Variants in CYP20A1 observed in about 807,000 individuals in gnomAD.
The protein encoded by CYP20A1 is cytochrome P450 family 20 subfamily A member 1.
In CYP20A1, 61 loss-of-function variants were observed where a neutral mutation model predicts 61.4. The ratio of observed to expected loss-of-function variants is 0.99; its 90% CI spans 0.81 to 1.23. CYP20A1 has a LOEUF of 1.23. Among genes scored for constraint, CYP20A1 ranks in the 50% most tolerant of loss-of-function variants. The pLI is 0.00. For missense variants in CYP20A1, 530 were observed against 542.4 expected (o/e 0.98, Z 0.23); for synonymous variants, 193 against 188.2 (o/e 1.03, Z -0.21).
chr2:203,265,388 G>A (rs1268562617), intron 4 of CYP20A1, among the ~76,000 whole-genome samples: 1 of 152,184 alleles, frequency 6.6e-6, no homozygotes, highest in African/African-American at 2.4e-5. Flanking sequence ...ATAATCTAAT[G>A]TCAGTGATAA....
chr2:203,291,642 G>C (rs543947672), intron 10 of CYP20A1, among the ~76,000 whole-genome samples: 1 of 150,984 alleles, frequency 6.6e-6, no homozygotes, highest in Admixed American at 6.6e-5. Context: ...TTTTACTGTT[G>C]CTTACATTTT....
chr2:203,254,034 G>A (rs1170782026), intron 4 of CYP20A1, among the ~76,000 whole-genome samples: 3 of 151,668 alleles, frequency 2.0e-5, no homozygotes, highest in African/African-American at 4.8e-5. Flanking sequence ...TGCAACTTCC[G>A]CCTCCTGGGT....
chr2:203,261,791 ATCT>A, intron 4 of CYP20A1, among the ~76,000 whole-genome samples: 1 of 151,646 alleles, frequency 6.6e-6, no homozygotes, highest in Admixed American at 6.6e-5. Context: ...CTTGTTGCAA[ATCT>A]GCCCTTTGGA....
At chr2:203,280,195 A>G in intron 8 of CYP20A1, 82 bp downstream of exon 8, 2 of 1,089,396 alleles carry the variant, frequency 1.8e-6, no homozygotes, top group Non-Finnish European at 2.6e-6. Flanking sequence ...TAATCCCAAC[A>G]CTTGGGGAGG....
chr2:203,246,118 A>G (rs192842141), intron 2 of CYP20A1, among the ~76,000 whole-genome samples: 3 of 152,364 alleles, frequency 2.0e-5, no homozygotes, highest in East Asian at 1.9e-4. Context: ...AAAAAAATAA[A>G]TAAGTAAAAA....
At chr2:203,273,212 C>T (rs1575226400) in intron 6 of CYP20A1, among the ~76,000 whole-genome samples, 1 of 151,758 alleles carries the variant, frequency 6.6e-6, no homozygotes. Flanking sequence ...TTAACAGAAG[C>T]GAGGAAAAAT....
rs115207170 is a variant in CYP20A1, at chr2:203,286,467, A to C, written c.971+735A>C. 3.9e-3 allele frequency among the ~76,000 whole-genome samples: 437 copies of C among 111,526 alleles called. 5 individuals carry two copies. Among genetic ancestry groups the C allele is most frequent in the African/African-American group, 0.013 (421 of 32,710 alleles). The allele number at this position is 111,526 out of a possible 152,430, so 73.2% of individuals were successfully genotyped here. A position where few individuals can be genotyped will look rare whatever the true frequency, so the allele number is the denominator to read the frequency against. On this transcript the variant is annotated intron_variant, in intron 9 of 12. Coordinates refer to ENST00000356079, the MANE Select transcript of CYP20A1 (RefSeq NM_177538.3). ...TAGTTCAAATGTTCAACTGGTAAAT[A>C]GATAAACAAATTGTGGTATTACCAT...
At chr2:203,266,746 C>A in intron 5 of CYP20A1, 65 bp downstream of exon 5, 1 of 1,393,454 alleles carries the variant, frequency 7.2e-7, no homozygotes, top group Non-Finnish European at 1.0e-6. Context: ...CACCTGTAAT[C>A]CCAGCACTTT....
chr2:203,288,463 A>G (rs2068393604), intron 9 of CYP20A1, among the ~76,000 whole-genome samples: 1 of 152,032 alleles, frequency 6.6e-6, no homozygotes, highest in South Asian at 2.1e-4. Context: ...AACATGTGCT[A>G]TACTTAATTG....
intron 6 of CYP20A1, among the ~76,000 whole-genome samples, chr2:203,278,057 C>T (rs891545958): frequency 7.9e-5 from 12 of 152,076 alleles, no homozygotes; most frequent in Non-Finnish European, 1.8e-4. Context: ...GGATGGATTG[C>T]TTGAGCCCAG....
intron 10 of CYP20A1, among the ~76,000 whole-genome samples, chr2:203,291,817 A>G (rs112628339): frequency 7.8e-4 from 119 of 152,106 alleles, no homozygotes; most frequent in Non-Finnish European, 1.2e-3. Context: ...TCCTAATGCT[A>G]TCCCTCCCCG....
chr2:203,261,444 A>G (rs1382871738), intron 4 of CYP20A1, among the ~76,000 whole-genome samples: 2 of 149,200 alleles, frequency 1.3e-5, no homozygotes, highest in African/African-American at 2.5e-5. Context: ...GTGCATGCCT[A>G]TAGTTCCAGC....
At chr2:203,256,611 A>C (rs1466052164) in intron 4 of CYP20A1, among the ~76,000 whole-genome samples, 1 of 151,980 alleles carries the variant, frequency 6.6e-6, no homozygotes, top group Non-Finnish European at 1.5e-5. Context: ...CGCCTGCCTC[A>C]GCCTCCCAAA....
rs1156461174 is a variant in CYP20A1, at chr2:203,283,408, A to G, written c.851-2204A>G. Among the ~76,000 whole-genome samples the G allele has an allele frequency of 2.0e-5, 3 of 150,316 alleles. No homozygotes were observed. The East Asian group carries it at 6.0e-4, about 30-fold the overall frequency. On this transcript the variant is annotated intron_variant, in intron 8 of 12. Coordinates refer to ENST00000356079, the MANE Select transcript of CYP20A1 (RefSeq NM_177538.3). The stretch of plus-strand genomic sequence containing the variant: ...ATTTTTTGTATTTTTAGTAGAGACG[A>G]GGTTTCACTGTGTTGGCCAGGCTGA...
chr2:203,298,950 G>C lies in CYP20A1; in HGVS notation c.*2042G>C, dbSNP rs963889590. On this transcript the variant is annotated 3_prime_UTR_variant, in exon 13 of 13. Transcript: ENST00000356079. ...CTTGGGAGGCTGAGGCAGGAGAATCGCTTGAACCTGGGAGGCGGAGGTTGC... is the reference window on the plus strand; with the variant it reads ...CTTGGGAGGCTGAGGCAGGAGAATCCCTTGAACCTGGGAGGCGGAGGTTGC... Among the ~76,000 whole-genome samples, 1 of 151,902 alleles carries C rather than the reference G, an allele frequency of 6.6e-6. No homozygotes were observed. The highest frequency in any genetic ancestry group is 2.4e-5 in the African/African-American group (1 of 41,372).
At chr2:203,289,703 G>T (rs1374530569) in intron 9 of CYP20A1, 62 bp from the exon 10 acceptor site, 11 of 822,146 alleles carry the variant, frequency 1.3e-5, no homozygotes, top group Non-Finnish European at 1.4e-5. Context: ...TTTTTTAAAT[G>T]TATGTACATT....
At chr2:203,244,984 G>A (rs1205456195) in intron 1 of CYP20A1, among the ~76,000 whole-genome samples, 2 of 147,606 alleles carry the variant, frequency 1.4e-5, no homozygotes, top group African/African-American at 5.0e-5. Flanking sequence ...CGCCTGCCTC[G>A]GCCTCCCAAA....
At chr2:203,255,632 A>G (rs547376731) in intron 4 of CYP20A1, among the ~76,000 whole-genome samples, 2 of 152,304 alleles carry the variant, frequency 1.3e-5, no homozygotes, top group African/African-American at 4.8e-5. Flanking sequence ...TCTAGTTTGA[A>G]AACCCCTTTG....
At chr2:203,267,689 C>T (rs1280843477) in intron 5 of CYP20A1, among the ~76,000 whole-genome samples, 1 of 151,074 alleles carries the variant, frequency 6.6e-6, no homozygotes, top group Admixed American at 6.6e-5. Context: ...CTAAAAAATA[C>T]AAAAATTTGC....
Sources: allele counts gnomAD v4.1 joint callset (sites outside exome capture counted in the v4.1 genomes callset), GRCh38; gene constraint gnomAD v4.1.1; transcripts MANE v1.5; gene names NCBI Gene and HGNC (gene_info 2026-07-23, HGNC 2026-07-21).